OPCML: variants seen among roughly 807,000 people sequenced by gnomAD.
The protein encoded by OPCML is opioid binding protein/cell adhesion molecule like.
OPCML carries 13 observed loss-of-function variants against 37.8 expected under a neutral mutation model. The observed-to-expected ratio is 0.34, with a 90% CI of 0.22 to 0.55. The LOEUF is 0.55. Among genes scored for constraint, OPCML ranks in the 20% least tolerant of loss-of-function variants. OPCML has a pLI of 0.91. For missense variants in OPCML, 341 were observed against 435.6 expected (o/e 0.78, Z 1.93); for synonymous variants, 176 against 168.8 (o/e 1.04, Z -0.33).
chr11:132,458,062 G>A (rs1444959537), intron 4 of OPCML, among the ~76,000 whole-genome samples: 10 of 152,138 alleles, frequency 6.6e-5, no homozygotes, highest in African/African-American at 1.9e-4. Flanking sequence ...GGGAGGTGGG[G>A]AGATATGTGG....
At chr11:132,531,041 T>A (rs2096323675) in intron 3 of OPCML, among the ~76,000 whole-genome samples, 1 of 152,186 alleles carries the variant, frequency 6.6e-6, no homozygotes, top group Non-Finnish European at 1.5e-5. Context: ...GTATTGAACA[T>A]GCTCTGTGTA....
At chr11:133,071,751 G>A (rs1302496089) in intron 1 of OPCML, among the ~76,000 whole-genome samples, 1 of 152,106 alleles carries the variant, frequency 6.6e-6, no homozygotes, top group African/African-American at 2.4e-5. Context: ...TAAATATTTG[G>A]TGTCTTCTCC....
At chr11:133,152,698 C>T (rs943223916) in intron 1 of OPCML, among the ~76,000 whole-genome samples, 9 of 152,000 alleles carry the variant, frequency 5.9e-5, no homozygotes, top group Non-Finnish European at 1.0e-4. Flanking sequence ...CTAATTGATG[C>T]GTGGGACTAC....
At chr11:132,553,962 T>G (rs1591542084) in intron 3 of OPCML, among the ~76,000 whole-genome samples, 1 of 152,198 alleles carries the variant, frequency 6.6e-6, no homozygotes, top group Non-Finnish European at 1.5e-5. Flanking sequence ...CCCAATTTTG[T>G]GCCCTTTATC....
chr11:133,437,043 CTTCAT>C (rs928814725), intron 1 of OPCML, among the ~76,000 whole-genome samples: 2 of 152,148 alleles, frequency 1.3e-5, no homozygotes, highest in African/African-American at 4.8e-5. Flanking sequence ...GAAGCACCTG[CTTCAT>C]TTCTTTTCAT....
In OPCML at chr11:133,208,287, T is replaced by C. The variant is rs941500615; in HGVS notation, c.62-265277A>G. 6.6e-6 allele frequency among the ~76,000 whole-genome samples: 1 copy of C among 152,184 alleles called. No individual in the cohort carries two copies. Among genetic ancestry groups the C allele is most frequent in the Non-Finnish European group, 1.5e-5 (1 of 68,032 alleles). ...TTGTATTACCACGTATAAATACCAG[T>C]GAGTGAATGAATGCGGGACAGAAGC... On this transcript the variant is annotated intron_variant, in intron 1 of 7. Coordinates refer to ENST00000524381, the MANE Select transcript of OPCML (RefSeq NM_001012393.5). The surrounding 1 kb of genome is among the most constrained non-coding windows in gnomAD (Gnocchi z 8.9).
chr11:132,886,125 T>C (rs952898018), intron 2 of OPCML, among the ~76,000 whole-genome samples: 1 of 152,260 alleles, frequency 6.6e-6, no homozygotes, highest in African/African-American at 2.4e-5. Context: ...TAGCGTAATT[T>C]ACATAACTAG....
chr11:133,467,460 T>C (rs1450719407), intron 1 of OPCML, among the ~76,000 whole-genome samples: 1 of 152,196 alleles, frequency 6.6e-6, no homozygotes, highest in Non-Finnish European at 1.5e-5. Context: ...TTTGTATACT[T>C]ATAGTTATTT....
At chr11:133,352,937 C>T (rs1439207378) in intron 1 of OPCML, among the ~76,000 whole-genome samples, 1 of 152,198 alleles carries the variant, frequency 6.6e-6, no homozygotes, top group Admixed American at 6.5e-5. Context: ...CCTAAGAATT[C>T]TTACCATTAC....
At chr11:133,283,460 C>T (rs1485690314) in intron 1 of OPCML, among the ~76,000 whole-genome samples, 1 of 152,030 alleles carries the variant, frequency 6.6e-6, no homozygotes, top group Non-Finnish European at 1.5e-5. Context: ...TAGAAGCTTC[C>T]TGAGGCCCTT....
chr11:133,053,238 T>A (rs1290215984), intron 1 of OPCML, among the ~76,000 whole-genome samples: 4 of 152,212 alleles, frequency 2.6e-5, no homozygotes, highest in Non-Finnish European at 5.9e-5. Flanking sequence ...CTTGAGCTCA[T>A]GATGGAGACT....
intron 1 of OPCML, among the ~76,000 whole-genome samples, chr11:133,239,485 G>A (rs936784651): frequency 2.0e-5 from 3 of 152,226 alleles, no homozygotes; most frequent in Non-Finnish European, 4.4e-5. Flanking sequence ...GGCCTTGGGG[G>A]AGCTGTGCTC....
chr11:133,305,458 AG>A (rs2136577047), intron 1 of OPCML, among the ~76,000 whole-genome samples: 1 of 152,368 alleles, frequency 6.6e-6, no homozygotes, highest in South Asian at 2.1e-4. Flanking sequence ...CATAAAATAC[AG>A]GAAGTCTGAC....
In OPCML at chr11:133,186,247, G is replaced by C. The variant is rs150004744; in HGVS notation, c.62-243237C>G. ...TGGGCTATGCCTGTAAGCTCCAAAA[G>C]AGAAGTTTTTACACATCAGGGATAC... On this transcript the variant is annotated intron_variant, in intron 1 of 7. Transcript: ENST00000524381. Among the ~76,000 whole-genome samples, 92 of 152,298 alleles carry C rather than the reference G, an allele frequency of 6.0e-4. No homozygotes were observed. In the Middle Eastern group the frequency reaches 0.01, roughly 17 times the overall value.
At chr11:132,895,069 G>T (rs1432635828) in intron 2 of OPCML, among the ~76,000 whole-genome samples, 2 of 152,132 alleles carry the variant, frequency 1.3e-5, no homozygotes, top group African/African-American at 2.4e-5. Flanking sequence ...TTTCATAATT[G>T]GTTTGGGGTT....
chr11:132,865,509 T>C (rs1277713620), intron 2 of OPCML, among the ~76,000 whole-genome samples: 2 of 152,238 alleles, frequency 1.3e-5, no homozygotes, highest in Non-Finnish European at 2.9e-5. Context: ...GGCCTCAGCA[T>C]TAGCATTTAA....
rs564685949 is a variant in OPCML at position 132,908,895 on chromosome 11, A to C, written c.146+34031T>G. Among the ~76,000 whole-genome samples, 52 of 152,330 alleles carry C rather than the reference A, an allele frequency of 3.4e-4. 1 individual carries two copies. In the South Asian group the frequency reaches 4.6e-3, roughly 13 times the overall value. ...TCAGACCTGCAGGATTGAGGCTTGC[A>C]GTGGACTGTGGGCACCAGCTTGAGG... On this transcript the variant is annotated intron_variant, in intron 2 of 7. Coordinates refer to ENST00000524381, the MANE Select transcript of OPCML (RefSeq NM_001012393.5).
At chr11:132,790,155 AG>A (rs1317601712) in intron 2 of OPCML, among the ~76,000 whole-genome samples, 1 of 152,242 alleles carries the variant, frequency 6.6e-6, no homozygotes, top group Non-Finnish European at 1.5e-5. Context: ...TGTTCGTTGC[AG>A]CACTATCCAC....
chr11:132,879,730 A>G (rs1025391659), intron 2 of OPCML, among the ~76,000 whole-genome samples: 1 of 152,256 alleles, frequency 6.6e-6, no homozygotes, highest in East Asian at 1.9e-4. Flanking sequence ...TGAATTATCT[A>G]TAAGACTAGT....
Sources: gnomAD v4.1 joint callset for allele counts (sites outside exome capture counted in the v4.1 genomes callset) on GRCh38, gnomAD v4.1.1 for gene constraint, Gnocchi (gnomAD v3.1) non-coding constraint, MANE v1.5 for transcripts, NCBI Gene and HGNC (gene_info 2026-07-23, HGNC 2026-07-21) for gene names.